Variants in GALNT9 observed in about 807,000 individuals in gnomAD.
The protein encoded by GALNT9 is polypeptide N-acetylgalactosaminyltransferase 9.
A neutral mutation model predicts 63.1 loss-of-function variants in GALNT9; 47 were observed. That is an observed-to-expected ratio of 0.75 (90% CI 0.59 to 0.95). The LOEUF is 0.95. GALNT9 is among the 40% of genes least tolerant of loss of function. The probability of loss-of-function intolerance (pLI) is 0.00; values close to 1 mark genes in which losing one functional copy is unlikely to be tolerated. For missense variants in GALNT9, 829 were observed against 874.8 expected, an observed-to-expected ratio of 0.95 and a Z score of 0.66; for synonymous variants, 396 against 365.7, an observed-to-expected ratio of 1.08 and a Z score of -0.94.
intron 2 of GALNT9, chr12:132,275,670 T>G (rs1397741850): frequency 6.6e-6 from 1 of 152,318 alleles, no homozygotes; most frequent in Non-Finnish European, 1.5e-5. Context: ...GGAGTCCTGG[T>G]CCAGCCCAGG....
At chr12:132,260,855 C>T (rs1241891362) in intron 4 of GALNT9, 93 bp downstream of exon 4, 2 of 1,428,680 alleles carry the variant, frequency 1.4e-6, no homozygotes, top group Non-Finnish European at 1.8e-6. Flanking sequence ...GGGGCCAACC[C>T]AGCGGCCAGG....
chr12:132,236,447 A>C lies in GALNT9; in HGVS notation c.1077+11463T>G, dbSNP rs1399488345. Among the ~76,000 whole-genome samples, 4 of 151,508 alleles carry C rather than the reference A, an allele frequency of 2.6e-5. No individual in the cohort carries two copies. The highest frequency in any genetic ancestry group is 7.3e-5 in the African/African-American group (3 of 41,132). ...GCGGAGCTCCCTGAGGCCCCATAGC[A>C]CCTGTCATCACGGCTGCCAGGGAGT... On this transcript the variant is annotated intron_variant, in intron 6 of 10. Coordinates refer to ENST00000328957, the MANE Select transcript of GALNT9 (RefSeq NM_001122636.2). The surrounding 1 kb of genome is among the most constrained non-coding windows in gnomAD (Gnocchi z 5.6).
chr12:132,287,438 A>T (rs1339669706), intron 1 of GALNT9, among the ~76,000 whole-genome samples: 5 of 152,194 alleles, frequency 3.3e-5, no homozygotes, highest in Admixed American at 6.5e-5. Flanking sequence ...CCGCCTGTGT[A>T]ACTTGAGCTG....
intron 2 of GALNT9, among the ~76,000 whole-genome samples, chr12:132,269,311 G>C (rs971987612): frequency 2.0e-5 from 3 of 152,250 alleles, no homozygotes; most frequent in African/African-American, 7.2e-5. Context: ...CACGCGTGGC[G>C]GGTCCCATGC....
chr12:132,237,898 A>C (rs2136895680), intron 6 of GALNT9, among the ~76,000 whole-genome samples: 1 of 152,264 alleles, frequency 6.6e-6, no homozygotes, highest in African/African-American at 2.4e-5. Flanking sequence ...AAACCTCTGC[A>C]TGAGGGACCC....
intron 2 of GALNT9, among the ~76,000 whole-genome samples, chr12:132,262,975 C>T (rs578030036): frequency 1.2e-3 from 184 of 151,722 alleles, no homozygotes; most frequent in Non-Finnish European, 2.0e-3. Context: ...CCCCTGTGCC[C>T]ACCCCGTGCT....
At position 132,325,622 on chromosome 12, in the gene GALNT9, T is replaced by G. The variant is rs1869005459; in HGVS notation, c.238+3344A>C. Among the ~76,000 whole-genome samples, 4 of 152,222 alleles carry G rather than the reference T, an allele frequency of 2.6e-5. No individual in the cohort carries two copies. The South Asian group carries it at 8.3e-4, about 32-fold the overall frequency. ...GTAACTACAGAAACCTAGGTCCCTC[T>G]GAAACCAGCGCCACCTCGCTGGACC... On this transcript the variant is annotated intron_variant, in intron 1 of 10. Coordinates refer to ENST00000328957, the MANE Select transcript of GALNT9 (RefSeq NM_001122636.2).
chr12:132,230,020 C>A (rs1168168304), intron 6 of GALNT9, among the ~76,000 whole-genome samples: 1 of 152,186 alleles, frequency 6.6e-6, no homozygotes, highest in Non-Finnish European at 1.5e-5. Context: ...GTCCCGGTGC[C>A]GCCCCCTTGA....
intron 8 of GALNT9, 137 bp downstream of exon 8, chr12:132,200,987 C>T (rs112812874): frequency 4.7e-5 from 39 of 838,630 alleles, no homozygotes; most frequent in African/African-American, 1.7e-4. Context: ...CCTGTCGGGC[C>T]GAGTGGGACC....
chr12:132,310,109 C>T lies in GALNT9; in HGVS notation c.238+18857G>A, dbSNP rs28439427. On this transcript the variant is annotated intron_variant, in intron 1 of 10. Transcript: ENST00000328957. This position sits in a 1 kb window ranked among gnomAD's most constrained non-coding sequence, Gnocchi z 4.8. ...TTATCCACAGCCCTGTACTGTTTTTCGTGCCTGGAACCAGGACTCAATGCT... is the reference window on the plus strand; with the variant it reads ...TTATCCACAGCCCTGTACTGTTTTTTGTGCCTGGAACCAGGACTCAATGCT... 0.11 allele frequency among the ~76,000 whole-genome samples: 17,418 copies of T among 152,162 alleles called. 1,087 individuals carry two copies. Among genetic ancestry groups the T allele is most frequent in the African/African-American group, 0.15 (6,136 of 41,484 alleles).
chr12:132,224,859 G>A (rs1877587150), intron 6 of GALNT9, among the ~76,000 whole-genome samples: 1 of 122,312 alleles, frequency 8.2e-6, no homozygotes, highest in Admixed American at 8.4e-5. Flanking sequence ...TCCACACACT[G>A]TAATGTACAC....
chr12:132,307,180 G>A (rs1007583735), intron 1 of GALNT9, among the ~76,000 whole-genome samples: 8 of 152,114 alleles, frequency 5.3e-5, no homozygotes, highest in Middle Eastern at 3.2e-3. Context: ...TCAGACCCAC[G>A]GATTACTGCC....
At chr12:132,253,643 T>G (rs1879007581) in intron 5 of GALNT9, among the ~76,000 whole-genome samples, 1 of 152,276 alleles carries the variant, frequency 6.6e-6, no homozygotes, top group Non-Finnish European at 1.5e-5. Flanking sequence ...ATTATTCTTA[T>G]TCTAACTATT....
intron 2 of GALNT9, chr12:132,280,210 C>T (rs1555241567): frequency 1.3e-5 from 2 of 152,244 alleles, no homozygotes; most frequent in African/African-American, 4.8e-5. Flanking sequence ...CAACAGATTC[C>T]CTTTTTGGGT....
chr12:132,329,359 G>A lies in GALNT9; in HGVS notation c.-156C>T, dbSNP rs1869197619. 7.7e-6 allele frequency: 9 copies of A among 1,162,066 alleles called. No individual in the cohort carries two copies. In the African/African-American group the frequency reaches 1.3e-4, roughly 17 times the overall value. 72.0% of individuals were successfully genotyped at this position (1,162,066 alleles called of 1,614,324 possible). A position where few individuals can be genotyped will look rare whatever the true frequency, so the allele number is the denominator to read the frequency against. ...TGTCCCTTCAGCACCAGCTCAGCGC[G>A]CCGGGCCACGGCCGCCGGGGGTCCC... is the stretch of plus-strand genomic sequence containing the variant. On this transcript the variant is annotated 5_prime_UTR_variant, in exon 1 of 11. Transcript: ENST00000328957.
intron 6 of GALNT9, among the ~76,000 whole-genome samples, chr12:132,216,633 C>A (rs1290255438): frequency 6.6e-6 from 1 of 152,248 alleles, no homozygotes; most frequent in Non-Finnish European, 1.5e-5. Context: ...TTCCTAAGAT[C>A]TGCGTGCCCA....
chr12:132,205,078 T>G (rs1876570927), intron 6 of GALNT9, among the ~76,000 whole-genome samples: 1 of 152,086 alleles, frequency 6.6e-6, no homozygotes, highest in South Asian at 2.1e-4. Flanking sequence ...TGAGCTCGGA[T>G]CCCTCAGTCA....
intron 1 of GALNT9, among the ~76,000 whole-genome samples, chr12:132,322,340 C>T (rs573393396): frequency 3.9e-5 from 6 of 152,378 alleles, no homozygotes; most frequent in Admixed American, 6.5e-5. Flanking sequence ...CTCAGGCCCG[C>T]GTCCTCAGCG....
intron 4 of GALNT9, 128 bp from the exon 5 acceptor site, chr12:132,258,014 G>A (rs1270217980): frequency 1.5e-6 from 1 of 668,372 alleles, no homozygotes; most frequent in African/African-American, 1.8e-5. Context: ...ACCCCCTGCT[G>A]AGCTAGACCC....
Sources: allele counts gnomAD v4.1 joint callset (sites outside exome capture counted in the v4.1 genomes callset), GRCh38; gene constraint gnomAD v4.1.1; non-coding constraint Gnocchi (gnomAD v3.1); transcripts MANE v1.5; gene names NCBI Gene and HGNC (gene_info 2026-07-23, HGNC 2026-07-21).